Variants in GGTLC1 observed in about 807,000 individuals in gnomAD.
GGTLC1 encodes the protein gamma-glutamyltransferase light chain 1, also known as glutathione hydrolase light chain 1.
GGTLC1 carries 14 observed loss-of-function variants against 19.5 expected under a neutral mutation model. The ratio of observed to expected loss-of-function variants is 0.72; its 90% CI spans 0.47 to 1.12. The LOEUF is 1.12. GGTLC1 is among the 50% of genes most tolerant of loss of function. The pLI, the probability that GGTLC1 is intolerant of heterozygous loss-of-function variation, is 0.00. For missense variants in GGTLC1, 304 were observed against 309.2 expected (o/e 0.98, Z 0.13); for synonymous variants, 110 against 124.2 (o/e 0.89, Z 0.76).
rs181424695 is a variant in GGTLC1 at position 23,988,605 on chromosome 20, G to A, written c.-35+4C>T. On this transcript the variant is annotated splice_donor_region_variant and intron_variant, in intron 1 of 5. Transcript: ENST00000335694. ...CATTGCCAGCAAGTGCCTTGCGCGGGTACCTGGCTGCGCTTATTAATCCGT... is the reference window on the plus strand; with the variant it reads ...CATTGCCAGCAAGTGCCTTGCGCGGATACCTGGCTGCGCTTATTAATCCGT... 1.6e-4 allele frequency: 147 copies of A among 937,516 alleles called. No individual in the cohort carries two copies. In the African/African-American group the frequency reaches 2.5e-3, roughly 16 times the overall value. The allele number at this position is 937,516 out of a possible 1,614,324, so 58.1% of individuals were successfully genotyped here. A position where few individuals can be genotyped will look rare whatever the true frequency, so the allele number is the denominator to read the frequency against.
rs745668529 is a variant in GGTLC1 at position 23,986,149 on chromosome 20, C to T, written c.231G>A (p.Met77Ile). 1.1e-5 allele frequency: 18 copies of T among 1,613,818 alleles called. No individual in the cohort carries two copies. In the Admixed American group the frequency reaches 2.8e-4, roughly 25 times the overall value. ...PVSGILLNNE[M>I]DDFSSTSITN... is the part of the protein sequence containing the mutation. ...TGATGCTGGTAGAGCTGAAGTCATC[C>T]ATTTCATTATTGAGCAGGATCCCGC... is the stretch of plus-strand genomic sequence containing the variant. Residue 77 changes from methionine to isoleucine, a missense_variant, in exon 3 of 6, where the codon ATG becomes ATA. Coordinates refer to ENST00000335694, the MANE Select transcript of GGTLC1 (RefSeq NM_178311.3).
chr20:23,985,395 G>A (rs199970807), intron 5 of GGTLC1, 33 bp from the exon 6 acceptor site: 3 of 1,611,358 alleles, frequency 1.9e-6, no homozygotes, highest in East Asian at 2.2e-5. Flanking sequence ...AGCCTGAGCA[G>A]GGCTCCAGAT....
In GGTLC1 at chr20:23,985,850, T is replaced by C. The variant is rs1381127169; in HGVS notation, c.417+12A>G. ...GGTGGGCACGGCCAGGGAGAAAAGGTGTGACACATACCAGTGCAGTGGCCA... is the reference window on the plus strand; with the variant it reads ...GGTGGGCACGGCCAGGGAGAAAAGGCGTGACACATACCAGTGCAGTGGCCA... On this transcript the variant is annotated intron_variant, in intron 4 of 5. Transcript: ENST00000335694. 1.9e-6 allele frequency: 3 copies of C among 1,611,896 alleles called. No homozygotes were observed. The highest frequency in any genetic ancestry group is 2.5e-6 in the Non-Finnish European group (3 of 1,179,834).
chr20:23,988,477 G>T (rs1988082066), intron 1 of GGTLC1, 132 bp downstream of exon 1: 2 of 228,484 alleles, frequency 8.8e-6, no homozygotes, highest in African/African-American at 2.3e-5. Flanking sequence ...GTGATCCACG[G>T]GCAGATCTGC....
chr20:23,985,183 G>C lies in GGTLC1; in HGVS notation c.*33C>G, dbSNP rs780913581. 4.6e-5 allele frequency: 74 copies of C among 1,611,812 alleles called. No individual in the cohort carries two copies. The Admixed American group carries it at 1.2e-3, about 26-fold the overall frequency. ...TCGTCCTGGTGAGTATTTTGTTCCT[G>C]GATTGCTTGTCAGCCTTGTCCGCCT... is the stretch of plus-strand genomic sequence containing the variant. On this transcript the variant is annotated 3_prime_UTR_variant, in exon 6 of 6. Transcript: ENST00000335694.
In GGTLC1 at chr20:23,988,738, C is replaced by G. The variant is rs1222155442; in HGVS notation, c.-164G>C. 4.2e-6 allele frequency: 1 copy of G among 235,930 alleles called. No homozygotes were observed. The allele number at this position is 235,930 out of a possible 1,614,324, so 14.6% of individuals were successfully genotyped here. On this transcript the variant is annotated 5_prime_UTR_variant, in exon 1 of 6. Transcript: ENST00000335694. The stretch of plus-strand genomic sequence containing the variant: ...AGAAACTGCTGGCTTCGCCTTTGGC[C>G]GAGTTGGCGGCTGGACGAGGACGCA...
In GGTLC1 at chr20:23,985,113, G is replaced by A. The variant is rs1165293901; in HGVS notation, c.*103C>T. The A allele has an allele frequency of 6.5e-7, 1 of 1,546,978 alleles. No individual in the cohort carries two copies. The highest frequency in any genetic ancestry group is 1.4e-5 in the African/African-American group (1 of 73,452). On this transcript the variant is annotated 3_prime_UTR_variant, in exon 6 of 6. Transcript: ENST00000335694. ...GCACAGTGGCCTCATTTATTGTGCT[G>A]CTCTGCTGCTCACAGGAGAAGCCTG...
intron 1 of GGTLC1, among the ~76,000 whole-genome samples, chr20:23,987,865 C>G (rs895645242): frequency 2.7e-5 from 4 of 148,634 alleles, no homozygotes; most frequent in African/African-American, 1.0e-4. Flanking sequence ...CTGGCTAACA[C>G]AGTGAAACCC....
Position 23,986,161 on chromosome 20 carries a change from G to A in GGTLC1, c.219C>T (p.Leu73=), listed in dbSNP as rs368840250. ...AGCTGAAGTCATCCATTTCATTATTGAGCAGGATCCCGCTGACTGGGGAGC... is the reference window on the plus strand; with the variant it reads ...AGCTGAAGTCATCCATTTCATTATTAAGCAGGATCCCGCTGACTGGGGAGC... ...KVRSPVSGIL[L]NNEMDDFSST... Residue 73 remains leucine (L), a synonymous_variant, in exon 3 of 6, where the codon CTC becomes CTT. Transcript: ENST00000335694. The A allele has an allele frequency of 6.2e-7, 1 of 1,613,668 alleles. No individual in the cohort carries two copies. Among genetic ancestry groups the A allele is most frequent in the East Asian group, 2.2e-5 (1 of 44,848 alleles).
chr20:23,986,216 C>CAGGT lies in GGTLC1; in HGVS notation c.177-17_177-14dup. 1 of 1,603,154 alleles carries CAGGT rather than the reference C, an allele frequency of 6.2e-7. No homozygotes were observed. The highest frequency in any genetic ancestry group is 8.5e-7 in the Non-Finnish European group (1 of 1,175,014). Reference sequence around the variant, plus strand: ...CTTGGAGCCAAAGCTATCGCCCAGCCAGGTCAGACAGTGCCCGACCTTGCC... The same window carrying CAGGT: ...CTTGGAGCCAAAGCTATCGCCCAGCCAGGTAGGTCAGACAGTGCCCGACCTTGCC... On this transcript the variant is annotated splice_polypyrimidine_tract_variant and intron_variant, in intron 2 of 5. Transcript: ENST00000335694.
chr20:23,985,454 C>A (rs1987821521), intron 5 of GGTLC1, 92 bp from the exon 6 acceptor site: 1 of 1,607,740 alleles, frequency 6.2e-7, no homozygotes, highest in South Asian at 1.1e-5. Flanking sequence ...CCAGGTGGTG[C>A]CATTTCAGGC....
chr20:23,985,332 G>A lies in GGTLC1; in HGVS notation c.562C>T (p.His188Tyr). ...AAGGTGGACGTGATCTGGGTGTGAT[G>A]GTGCCGGGTCTCCAGGGCTGCAGTC... Reference protein sequence around the residue: ...EVTAALETRHHHTQITSTFIA... With the variant: ...EVTAALETRHYHTQITSTFIA... Residue 188 changes from histidine (H) to tyrosine (Y), a missense_variant, in exon 6 of 6, where the codon CAT becomes TAT. By Grantham distance (83) the His-to-Tyr change is moderately conservative. Coordinates refer to ENST00000335694, the MANE Select transcript of GGTLC1 (RefSeq NM_178311.3). 6.2e-7 allele frequency: 1 copy of A among 1,611,974 alleles called. No homozygotes were observed.
Position 23,985,691 on chromosome 20 carries a change from C to A in GGTLC1, c.507G>T (p.Thr169=). The A allele has an allele frequency of 2.5e-6, 4 of 1,612,050 alleles. No homozygotes were observed. The highest frequency in any genetic ancestry group is 3.4e-6 in the Non-Finnish European group (4 of 1,179,866). ...CCTGGTCAATGTTTCTCTCCACTGT[C>A]GTGACGTTGGGCAGAAGCTGGTTGT... The part of the protein sequence containing the change: ...RLHNQLLPNV[T]TVERNIDQEV... Residue 169 remains threonine (T), a synonymous_variant, in exon 5 of 6, where the codon ACG becomes ACT. Transcript: ENST00000335694.
chr20:23,987,069 A>G (rs41282304), intron 1 of GGTLC1, among the ~76,000 whole-genome samples: 3 of 152,156 alleles, frequency 2.0e-5, no homozygotes, highest in Admixed American at 6.5e-5. Flanking sequence ...GGTTAGGGAG[A>G]GCTTCTCAGA....
intron 1 of GGTLC1, among the ~76,000 whole-genome samples, chr20:23,988,167 A>G (rs113061746): frequency 1.6e-4 from 22 of 138,682 alleles, no homozygotes; most frequent in African/African-American, 3.3e-4. Context: ...TTGTGTCTCA[A>G]CCGCCGGAGT....
Position 23,985,363 on chromosome 20 carries a change from C to T in GGTLC1, c.532-1G>A. On this transcript the variant is annotated splice_acceptor_variant, in intron 5 of 5. Coordinates refer to ENST00000335694, the MANE Select transcript of GGTLC1 (RefSeq NM_178311.3). LOFTEE classifies it high-confidence loss of function. ...GGGTCTCCAGGGCTGCAGTCACTTC[C>T]TGGGGGTGGGAGGAGAGGGGAAGCC... is the stretch of plus-strand genomic sequence containing the variant. 3.1e-6 allele frequency: 5 copies of T among 1,611,732 alleles called. No homozygotes were observed. The highest frequency in any genetic ancestry group is 4.2e-6 in the Non-Finnish European group (5 of 1,179,844).
chr20:23,987,834 C>A (rs866421438), intron 1 of GGTLC1, among the ~76,000 whole-genome samples: 1 of 149,622 alleles, frequency 6.7e-6, no homozygotes, highest in Non-Finnish European at 1.5e-5. Flanking sequence ...CGGATCACGA[C>A]GTCAGGAGAT....
chr20:23,987,762 T>C (rs1988019430), intron 1 of GGTLC1, among the ~76,000 whole-genome samples: 1 of 151,358 alleles, frequency 6.6e-6, no homozygotes, highest in Admixed American at 6.6e-5. Flanking sequence ...GCGCGGTGGC[T>C]CACGGCTGTA....
rs192535783 is a variant in GGTLC1 at position 23,987,332 on chromosome 20, C to G, written c.-34-687G>C. ...TGGGGAGTGTTTTCACAGGGTCCCTCTGGCAGCTATGACGGGGATAAGGAT... is the reference window on the plus strand; with the variant it reads ...TGGGGAGTGTTTTCACAGGGTCCCTGTGGCAGCTATGACGGGGATAAGGAT... On this transcript the variant is annotated intron_variant, in intron 1 of 5. Transcript: ENST00000335694. Among the ~76,000 whole-genome samples the G allele has an allele frequency of 6.6e-3, 1,012 of 152,246 alleles. 10 individuals carry two copies. Among genetic ancestry groups the G allele is most frequent in the Non-Finnish European group, 0.011 (735 of 68,022 alleles).
Sources: gnomAD v4.1 joint callset for allele counts (sites outside exome capture counted in the v4.1 genomes callset) on GRCh38, gnomAD v4.1.1 for gene constraint, MANE v1.5 for transcripts, NCBI Gene and HGNC (gene_info 2026-07-23, HGNC 2026-07-21) for gene names.